The following PITPNM3 variants were observed in gnomAD, a reference collection of about 807,000 sequenced individuals.
The protein encoded by PITPNM3 is PITPNM family member 3, also known as membrane-associated phosphatidylinositol transfer protein 3.
PITPNM3 carries 26 observed loss-of-function variants against 102.0 expected under a neutral mutation model. The ratio of observed to expected loss-of-function variants is 0.25; its 90% CI spans 0.19 to 0.35. The LOEUF (loss-of-function observed/expected upper bound fraction) is 0.35, where lower values mean the gene tolerates loss of function less well. Ranked by LOEUF, PITPNM3 falls within the 10% of genes least tolerant of loss-of-function variation. The pLI is 1.00. For missense variants in PITPNM3, 1,083 were observed against 1,346.1 expected, an observed-to-expected ratio of 0.80 and a Z score of 3.06; for synonymous variants, 578 against 558.6, an observed-to-expected ratio of 1.03 and a Z score of -0.49.
intron 19 of PITPNM3, among the ~76,000 whole-genome samples, chr17:6,456,591 C>T (rs898101499): frequency 1.3e-5 from 2 of 152,142 alleles, no homozygotes; most frequent in South Asian, 4.1e-4. Context: ...ATATGCATGT[C>T]AACAAGATCT....
At chr17:6,487,468 C>T (rs1032991654) in intron 4 of PITPNM3, among the ~76,000 whole-genome samples, 11 of 152,260 alleles carry the variant, frequency 7.2e-5, no homozygotes, top group African/African-American at 2.6e-4. Flanking sequence ...GGGACATTGC[C>T]GCCTCCACAC....
rs1408748562 is a variant in PITPNM3 at position 6,484,258 on chromosome 17, C to T, written c.309G>A (p.Arg103=). Reference sequence around the variant, plus strand: ...TCTCGATGCTTCCCTGGGCTGGGAACCTCTGTCTTCTCAAGGAAACCCGGT... The same window carrying T: ...TCTCGATGCTTCCCTGGGCTGGGAATCTCTGTCTTCTCAAGGAAACCCGGT... ...ELYRVSLRRQ[R]FPAQGSIEIH... Residue 103 remains arginine (R), a synonymous_variant, in exon 5 of 20, where the codon AGG becomes AGA. Coordinates refer to ENST00000262483, the MANE Select transcript of PITPNM3 (RefSeq NM_031220.4). The T allele has an allele frequency of 6.2e-7, 1 of 1,612,284 alleles. No homozygotes were observed. Among genetic ancestry groups the T allele is most frequent in the Admixed American group, 1.7e-5 (1 of 60,032 alleles).
rs773688730 is a variant in PITPNM3, at chr17:6,461,518, G to A, written c.2345C>T (p.Thr782Met). ...QDLGYMILYI[T>M]GRPDMQKQRV... ...CTGCTTCTGCATGTCCGGCCGTCCC[G>A]TGATGTAAAGGATCATGTAGCCCAA... The change falls in exon 18 of 20, where the codon ACG becomes ATG. Residue 782 changes from threonine (T) to methionine (M), a missense_variant. Thr to Met is a moderately conservative substitution (Grantham distance 81). Transcript: ENST00000262483. 5 of 1,614,114 alleles carry A rather than the reference G, an allele frequency of 3.1e-6. No homozygotes were observed. Among genetic ancestry groups the A allele is most frequent in the African/African-American group, 1.3e-5 (1 of 74,948 alleles).
chr17:6,532,395 C>T (rs1909193137), intron 2 of PITPNM3, among the ~76,000 whole-genome samples: 1 of 152,150 alleles, frequency 6.6e-6, no homozygotes, highest in Non-Finnish European at 1.5e-5. Flanking sequence ...TAAGTTTTGA[C>T]ATATGTACAT....
At chr17:6,530,061 C>T (rs1909060645) in intron 2 of PITPNM3, among the ~76,000 whole-genome samples, 1 of 152,226 alleles carries the variant, frequency 6.6e-6, no homozygotes, top group Non-Finnish European at 1.5e-5. Flanking sequence ...CTCCAGGAGA[C>T]AAACAGTTCT....
intron 6 of PITPNM3, among the ~76,000 whole-genome samples, chr17:6,482,434 A>G (rs1315722382): frequency 6.6e-6 from 1 of 152,108 alleles, no homozygotes; most frequent in African/African-American, 2.4e-5. Context: ...CCCTTCCCCC[A>G]TACCTCACCT....
chr17:6,457,544 T>C lies in PITPNM3; in HGVS notation c.2619+50A>G, dbSNP rs4555193. On this transcript the variant is annotated intron_variant, in intron 19 of 19. Coordinates refer to ENST00000262483, the MANE Select transcript of PITPNM3 (RefSeq NM_031220.4). This position sits in a 1 kb window ranked among gnomAD's most constrained non-coding sequence, Gnocchi z 4.7. The stretch of plus-strand genomic sequence containing the variant: ...TGAAGTGCTTACTCCCTCTATCCCT[T>C]TCCCTGACCTCCCTCACAACTCCCC... 1.2e-6 allele frequency: 2 copies of C among 1,611,954 alleles called. No homozygotes were observed. Among genetic ancestry groups the C allele is most frequent in the African/African-American group, 1.3e-5 (1 of 74,974 alleles).
At chr17:6,505,283 G>C (rs1166074622) in intron 3 of PITPNM3, among the ~76,000 whole-genome samples, 1 of 151,410 alleles carries the variant, frequency 6.6e-6, no homozygotes, top group Non-Finnish European at 1.5e-5. Flanking sequence ...TCTGATTCTT[G>C]TTTTATTTAC....
At chr17:6,551,737 T>A (rs8064628) in intron 1 of PITPNM3, among the ~76,000 whole-genome samples, 13,594 of 146,188 alleles carry the variant, frequency 0.093, 1,933 homozygotes, top group African/African-American at 0.31. Flanking sequence ...TTAAAAAAAT[T>A]TTTTTTTTTT....
In PITPNM3 at chr17:6,470,581, C is replaced by T. The variant is rs945366567; in HGVS notation, c.1625-173G>A. Among the ~76,000 whole-genome samples the T allele has an allele frequency of 6.6e-6, 1 of 152,178 alleles. No individual in the cohort carries two copies. The highest frequency in any genetic ancestry group is 2.4e-5 in the African/African-American group (1 of 41,446). On this transcript the variant is annotated intron_variant, in intron 12 of 19. Transcript: ENST00000262483. This position sits in a 1 kb window ranked among gnomAD's most constrained non-coding sequence, Gnocchi z 4.8. ...GGGGAACGCGCTGCTCTTCCTCCTT[C>T]CTTCTCAAAACCCACCAGCCCTCCC...
Position 6,457,531 on chromosome 17 carries a change from T to C in PITPNM3, c.2619+63A>G. 6.2e-7 allele frequency: 1 copy of C among 1,604,990 alleles called. No individual in the cohort carries two copies. The highest frequency in any genetic ancestry group is 8.5e-7 in the Non-Finnish European group (1 of 1,174,136). ...ATGAATGAATGAATGAAGTGCTTAC[T>C]CCCTCTATCCCTTTCCCTGACCTCC... On this transcript the variant is annotated intron_variant, in intron 19 of 19. Transcript: ENST00000262483. This position sits in a 1 kb window ranked among gnomAD's most constrained non-coding sequence, Gnocchi z 4.7.
At position 6,472,518 on chromosome 17, in the gene PITPNM3, AC is replaced by A; in HGVS notation, c.1429+138del. Reference sequence around the variant, plus strand: ...TTAGCACAGGTGGGCGACTCTGAAGACAGAGGAGTCGGCTAACCTTCTGTTC... The same window carrying A: ...TTAGCACAGGTGGGCGACTCTGAAGAAGAGGAGTCGGCTAACCTTCTGTTC... On this transcript the variant is annotated intron_variant, in intron 11 of 19. Coordinates refer to ENST00000262483, the MANE Select transcript of PITPNM3 (RefSeq NM_031220.4). This position sits in a 1 kb window ranked among gnomAD's most constrained non-coding sequence, Gnocchi z 4.1. The A allele has an allele frequency of 8.2e-7, 1 of 1,214,754 alleles. No individual in the cohort carries two copies. The highest frequency in any genetic ancestry group is 1.2e-6 in the Non-Finnish European group (1 of 861,080). The allele number at this position is 1,214,754 out of a possible 1,614,324, so 75.2% of individuals were successfully genotyped here.
chr17:6,463,692 C>A (rs1403119346), intron 17 of PITPNM3, 40 bp downstream of exon 17: 1 of 1,604,556 alleles, frequency 6.2e-7, no homozygotes, highest in Non-Finnish European at 8.5e-7. Flanking sequence ...TGGCTCCTGC[C>A]CCCCAGGGAG....
At position 6,477,962 on chromosome 17, in the gene PITPNM3, C is replaced by A; in HGVS notation, c.900+13G>T. On this transcript the variant is annotated intron_variant, in intron 8 of 19. Transcript: ENST00000262483. The stretch of plus-strand genomic sequence containing the variant: ...GGGCATACCCCTCCCGCGGTCCTGT[C>A]CCCCGGCTGTACCTGGGTGCTGCTG... 1 of 1,611,082 alleles carries A rather than the reference C, an allele frequency of 6.2e-7. No individual in the cohort carries two copies. Among genetic ancestry groups the A allele is most frequent in the Non-Finnish European group, 8.5e-7 (1 of 1,179,988 alleles).
chr17:6,462,408 C>T (rs897487787), intron 17 of PITPNM3, among the ~76,000 whole-genome samples: 1 of 152,158 alleles, frequency 6.6e-6, no homozygotes, highest in African/African-American at 2.4e-5. Flanking sequence ...TCCAGCCCAC[C>T]CAGAGCTGCT....
At chr17:6,552,537 A>C (rs1239234708) in intron 1 of PITPNM3, among the ~76,000 whole-genome samples, 2 of 152,056 alleles carry the variant, frequency 1.3e-5, no homozygotes, top group Admixed American at 1.3e-4. Context: ...GCCAAGTCTT[A>C]CCCCGGCACT....
chr17:6,547,222 C>A (rs1002211911), intron 1 of PITPNM3, among the ~76,000 whole-genome samples: 1 of 152,146 alleles, frequency 6.6e-6, no homozygotes, highest in Non-Finnish European at 1.5e-5. Flanking sequence ...AGTCTCCAAG[C>A]AGGGCACAGT....
chr17:6,473,798 G>A (rs1034771730), intron 10 of PITPNM3, among the ~76,000 whole-genome samples: 18 of 152,206 alleles, frequency 1.2e-4, no homozygotes, highest in Admixed American at 7.2e-4. Context: ...CCAACATGGT[G>A]AAACTCCATC....
At chr17:6,456,522 G>A (rs945260800) in intron 19 of PITPNM3, among the ~76,000 whole-genome samples, 2 of 152,158 alleles carry the variant, frequency 1.3e-5, no homozygotes, top group South Asian at 2.1e-4. Flanking sequence ...AACACCACCT[G>A]GCACCTTGTC....
Sources: allele counts gnomAD v4.1 joint callset (sites outside exome capture counted in the v4.1 genomes callset), GRCh38; gene constraint gnomAD v4.1.1; non-coding constraint Gnocchi (gnomAD v3.1); transcripts MANE v1.5; gene names NCBI Gene and HGNC (gene_info 2026-07-23, HGNC 2026-07-21).